Variants in TENM4 observed in about 807,000 individuals in gnomAD.
TENM4 encodes teneurin-4.
In TENM4, 82 loss-of-function variants were observed where a neutral mutation model predicts 243.3. That is an observed-to-expected ratio of 0.34 (90% CI 0.28 to 0.40). The LOEUF is 0.40. Ranked by LOEUF, TENM4 falls within the 10% of genes least tolerant of loss-of-function variation. The pLI, the probability that TENM4 is intolerant of heterozygous loss-of-function variation, is 1.00. For missense variants in TENM4, 3,138 were observed against 3,673.3 expected (o/e 0.85, Z 3.77); for synonymous variants, 1,412 against 1,456.3 (o/e 0.97, Z 0.69).
rs546349985 is a variant in TENM4 at position 78,693,128 on chromosome 11, A to C, written c.5088-4902T>G. 4.0e-4 allele frequency among the ~76,000 whole-genome samples: 61 copies of C among 152,324 alleles called. 1 individual carries two copies. Among genetic ancestry groups the C allele is most frequent in the Non-Finnish European group, 2.9e-5 (2 of 68,032 alleles). ...GAATAAATATATAAGTAAATAATAG[A>C]TATTATTGTTGATTCAAGACATGGG... On this transcript the variant is annotated intron_variant, in intron 28 of 33. Transcript: ENST00000278550.
chr11:79,148,873 G>A (rs191586201), intron 3 of TENM4, 67 bp from the exon 4 acceptor site: 1 of 525,334 alleles, frequency 1.9e-6, no homozygotes, highest in East Asian at 1.5e-4. Flanking sequence ...AAGCAGTAGA[G>A]AAGATTCTGG....
intron 2 of TENM4, among the ~76,000 whole-genome samples, chr11:79,265,016 C>T (rs1855859695): frequency 1.3e-5 from 2 of 152,180 alleles, no homozygotes; most frequent in South Asian, 2.1e-4. Context: ...TGTTCAGCTG[C>T]CTGTAGACGA....
intron 2 of TENM4, among the ~76,000 whole-genome samples, chr11:79,250,050 A>G (rs1323104113): frequency 2.0e-5 from 3 of 152,118 alleles, no homozygotes; most frequent in African/African-American, 2.4e-5. Flanking sequence ...CAATGGCGTG[A>G]TCTCAGCTCA....
In TENM4 at chr11:78,668,916, T is replaced by C. The variant is rs769382698; in HGVS notation, c.7408+21A>G. ...AGAGCACTTTATGGGGTCCTGCCCC[T>C]GAGTGAGCCGTGGTCCTTACCTGTC... On this transcript the variant is annotated intron_variant, in intron 32 of 33. Transcript: ENST00000278550. 3 of 1,600,420 alleles carry C rather than the reference T, an allele frequency of 1.9e-6. No individual in the cohort carries two copies. The East Asian group carries it at 6.7e-5, about 36-fold the overall frequency.
At chr11:79,346,793 T>C (rs1431419710) in intron 1 of TENM4, among the ~76,000 whole-genome samples, 3 of 152,226 alleles carry the variant, frequency 2.0e-5, no homozygotes, top group Non-Finnish European at 4.4e-5. Context: ...ATAAACCATT[T>C]TCCCCCAACT....
At chr11:79,344,715 A>G (rs778593099) in intron 1 of TENM4, among the ~76,000 whole-genome samples, 1 of 152,194 alleles carries the variant, frequency 6.6e-6, no homozygotes, top group African/African-American at 2.4e-5. Context: ...CATTTTACTC[A>G]GGAAAAACCA....
At chr11:79,433,223 G>A (rs180869341) in intron 1 of TENM4, among the ~76,000 whole-genome samples, 1 of 152,292 alleles carries the variant, frequency 6.6e-6, no homozygotes, top group African/African-American at 2.4e-5. Context: ...GTGGACAATG[G>A]ACCAGGAGCA....
intron 1 of TENM4, among the ~76,000 whole-genome samples, chr11:79,305,808 C>T (rs770399095): frequency 2.0e-5 from 3 of 152,196 alleles, no homozygotes; most frequent in Non-Finnish European, 2.9e-5. Context: ...GCTGCAGAGC[C>T]GAGGCTGATC....
intron 2 of TENM4, among the ~76,000 whole-genome samples, chr11:79,227,098 C>G (rs1864283700): frequency 3.3e-5 from 5 of 152,188 alleles, no homozygotes; most frequent in Admixed American, 3.3e-4. Context: ...AGACAGCAGC[C>G]AGGGTATCTT....
chr11:78,979,206 T>TTCA (rs1857735135), intron 6 of TENM4, among the ~76,000 whole-genome samples: 1 of 152,010 alleles, frequency 6.6e-6, no homozygotes, highest in Non-Finnish European at 1.5e-5. Flanking sequence ...CCCTCTGGGG[T>TTCA]GTCCTGCCAC....
At chr11:79,265,721 G>A (rs367872429) in intron 2 of TENM4, among the ~76,000 whole-genome samples, 29 of 151,604 alleles carry the variant, frequency 1.9e-4, no homozygotes, top group South Asian at 8.3e-4. Flanking sequence ...TATCTTTCTC[G>A]CTTCTCATCT....
At chr11:79,130,901 A>G (rs1861989992) in intron 4 of TENM4, among the ~76,000 whole-genome samples, 2 of 152,142 alleles carry the variant, frequency 1.3e-5, no homozygotes, top group South Asian at 4.1e-4. Context: ...AAGTCTCAAC[A>G]ATGGAATTGA....
At chr11:79,335,852 AG>A (rs1182994410) in intron 1 of TENM4, among the ~76,000 whole-genome samples, 1 of 152,174 alleles carries the variant, frequency 6.6e-6, no homozygotes, top group Non-Finnish European at 1.5e-5. Context: ...GAGGTTGCCT[AG>A]GGGTCTCAAA....
chr11:79,039,444 C>T (rs1039189801), intron 6 of TENM4, among the ~76,000 whole-genome samples: 9 of 152,214 alleles, frequency 5.9e-5, no homozygotes, highest in Non-Finnish European at 1.3e-4. Context: ...CAGTTTTAGG[C>T]TCTGTGGGCA....
intron 6 of TENM4, among the ~76,000 whole-genome samples, chr11:78,998,429 A>G (rs999477684): frequency 6.6e-6 from 1 of 152,246 alleles, no homozygotes; most frequent in African/African-American, 2.4e-5. Context: ...CCTATGGCCA[A>G]ATGAGGAGGT....
chr11:78,889,676 G>A (rs577099653), intron 9 of TENM4, 109 bp downstream of exon 9: 44 of 1,225,978 alleles, frequency 3.6e-5, no homozygotes, highest in African/African-American at 6.0e-5. Context: ...CTCACACTGC[G>A]TGCTTTGCCT....
At chr11:79,206,874 C>T (rs1396469681) in intron 3 of TENM4, among the ~76,000 whole-genome samples, 3 of 152,148 alleles carry the variant, frequency 2.0e-5, no homozygotes, top group African/African-American at 7.2e-5. Flanking sequence ...ACCTTCTTTG[C>T]CTAAATCCCT....
intron 3 of TENM4, among the ~76,000 whole-genome samples, chr11:79,201,168 G>A (rs565063033): frequency 6.6e-6 from 1 of 152,320 alleles, no homozygotes; most frequent in South Asian, 2.1e-4. Flanking sequence ...GGGAAGTTTG[G>A]GCTTGGCCTC....
intron 1 of TENM4, among the ~76,000 whole-genome samples, chr11:79,365,194 A>G (rs966746114): frequency 6.6e-6 from 1 of 152,216 alleles, no homozygotes; most frequent in Non-Finnish European, 1.5e-5. Context: ...GATAAGCACT[A>G]TATCTACCCC....
Sources: allele counts gnomAD v4.1 joint callset (sites outside exome capture counted in the v4.1 genomes callset), GRCh38; gene constraint gnomAD v4.1.1; transcripts MANE v1.5; gene names NCBI Gene and HGNC (gene_info 2026-07-23, HGNC 2026-07-21).